The following FAM13C variants were observed in gnomAD, a reference collection of about 807,000 sequenced individuals.
The protein encoded by FAM13C is protein FAM13C.
FAM13C carries 37 observed loss-of-function variants against 73.2 expected under a neutral mutation model. The ratio of observed to expected loss-of-function variants is 0.51; its 90% CI spans 0.39 to 0.67. The LOEUF (loss-of-function observed/expected upper bound fraction) is 0.67, where lower values mean the gene tolerates loss of function less well. Ranked by LOEUF, FAM13C falls within the 30% of genes least tolerant of loss-of-function variation. The probability of loss-of-function intolerance (pLI) is 0.00; values close to 1 mark genes in which losing one functional copy is unlikely to be tolerated. For missense variants in FAM13C, 589 were observed against 715.6 expected, an observed-to-expected ratio of 0.82 and a Z score of 2.02; for synonymous variants, 246 against 260.9, an observed-to-expected ratio of 0.94 and a Z score of 0.55.
chr10:59,303,461 C>G (rs896517559), intron 4 of FAM13C, among the ~76,000 whole-genome samples: 1 of 152,146 alleles, frequency 6.6e-6, no homozygotes, highest in African/African-American at 2.4e-5. Context: ...ATTAAAAATT[C>G]AATAATTGTT....
In FAM13C at chr10:59,282,488, G is replaced by A. The variant is rs1845042807; in HGVS notation, c.592+875C>T. 3 of 152,052 alleles carry A rather than the reference G, an allele frequency of 2.0e-5. No individual in the cohort carries two copies. In the South Asian group the frequency reaches 6.2e-4, roughly 32 times the overall value. The allele number at this position is 152,052 out of a possible 1,614,324, so 9.4% of individuals were successfully genotyped here. On this transcript the variant is annotated intron_variant, in intron 6 of 13. Coordinates refer to ENST00000618804, the MANE Select transcript of FAM13C (RefSeq NM_198215.4). ...TATTTATGGGGTCTGCTTTCAACAG[G>A]AGTATCTAAAATGTACAATTGCTAA...
intron 3 of FAM13C, among the ~76,000 whole-genome samples, chr10:59,331,939 G>A (rs572656846): frequency 1.4e-4 from 22 of 152,172 alleles, no homozygotes; most frequent in African/African-American, 4.8e-4. Context: ...TGGGTATGAA[G>A]GACCCATGCA....
chr10:59,334,372 T>A (rs1438448521), intron 3 of FAM13C, among the ~76,000 whole-genome samples: 2 of 152,204 alleles, frequency 1.3e-5, no homozygotes, highest in Non-Finnish European at 2.9e-5. Context: ...CTCACTTGCA[T>A]GTTAATGGTA....
chr10:59,255,155 T>TAC (rs1841831408), intron 10 of FAM13C, among the ~76,000 whole-genome samples: 1 of 152,230 alleles, frequency 6.6e-6, no homozygotes, highest in African/African-American at 2.4e-5. Flanking sequence ...TCTTCATCAC[T>TAC]ACATGCTTGT....
chr10:59,312,806 G>A (rs1196400583), intron 4 of FAM13C, among the ~76,000 whole-genome samples: 1 of 152,172 alleles, frequency 6.6e-6, no homozygotes, highest in Non-Finnish European at 1.5e-5. Context: ...AGTTGGAGGA[G>A]CCCTGGTCTT....
intron 6 of FAM13C, 30 bp from the exon 7 acceptor site, chr10:59,270,139 T>G: frequency 1.9e-6 from 3 of 1,601,386 alleles, no homozygotes; most frequent in Non-Finnish European, 1.7e-6. Flanking sequence ...CATCAAGACT[T>G]AGAAGTGACA....
chr10:59,254,368 G>A lies in FAM13C; in HGVS notation c.1312C>T (p.Pro438Ser). The change falls in exon 11 of 14, where the codon CCT becomes TCT. Residue 438 changes from proline to serine, a missense_variant. Pro to Ser is a moderately conservative substitution (Grantham distance 74). Transcript: ENST00000618804. Reference protein sequence around the residue: ...YRIIKQILSTPSLIPTIQEEE... With the variant: ...YRIIKQILSTSSLIPTIQEEE... Reference sequence around the variant, plus strand: ...CTTACAATTGTTGGAATAAGGGAAGGTGTTGACAAGATTTGCTTGATAATT... The same window carrying A: ...CTTACAATTGTTGGAATAAGGGAAGATGTTGACAAGATTTGCTTGATAATT... 6.4e-7 allele frequency: 1 copy of A among 1,553,672 alleles called. No individual in the cohort carries two copies. Among genetic ancestry groups the A allele is most frequent in the Non-Finnish European group, 8.7e-7 (1 of 1,147,536 alleles).
intron 3 of FAM13C, among the ~76,000 whole-genome samples, chr10:59,335,347 G>A (rs1029306016): frequency 6.6e-6 from 1 of 152,106 alleles, no homozygotes; most frequent in South Asian, 2.1e-4. Flanking sequence ...AAGGACCTAC[G>A]AGACCCAAAT....
intron 4 of FAM13C, among the ~76,000 whole-genome samples, chr10:59,307,413 C>A (rs184218410): frequency 6.3e-4 from 96 of 152,292 alleles, no homozygotes; most frequent in Non-Finnish European, 1.1e-3. Context: ...CTTCAATTCA[C>A]CAGCCCTTAC....
intron 5 of FAM13C, among the ~76,000 whole-genome samples, chr10:59,290,779 C>T (rs1044023658): frequency 2.0e-5 from 3 of 152,158 alleles, no homozygotes; most frequent in Admixed American, 6.5e-5. Flanking sequence ...TGCATCCTAG[C>T]GCAATGTGTA....
intron 4 of FAM13C, among the ~76,000 whole-genome samples, chr10:59,307,673 A>G (rs1036853434): frequency 5.3e-5 from 8 of 152,182 alleles, no homozygotes; most frequent in Non-Finnish European, 8.8e-5. Context: ...TCACGGAAGG[A>G]TAACAAAAAG....
chr10:59,308,781 C>T (rs1285102739), intron 4 of FAM13C, among the ~76,000 whole-genome samples: 1 of 152,206 alleles, frequency 6.6e-6, no homozygotes. Flanking sequence ...TGTGGATAGC[C>T]CACTGAAATA....
At chr10:59,264,222 G>T in intron 8 of FAM13C, 56 bp from the exon 9 acceptor site, 1 of 1,111,838 alleles carries the variant, frequency 9.0e-7, no homozygotes, top group South Asian at 1.3e-5. Context: ...GAGAGGGTGG[G>T]GGAGAAAAAG....
At chr10:59,321,323 AG>A (rs1850221085) in intron 4 of FAM13C, among the ~76,000 whole-genome samples, 1 of 151,934 alleles carries the variant, frequency 6.6e-6, no homozygotes, top group South Asian at 2.1e-4. Context: ...AAATGGAGGA[AG>A]GGACCATAAG....
Position 59,362,484 on chromosome 10 carries a change from G to A in FAM13C, c.-24C>T. 1 of 1,610,368 alleles carries A rather than the reference G, an allele frequency of 6.2e-7. No individual in the cohort carries two copies. Among genetic ancestry groups the A allele is most frequent in the Non-Finnish European group, 8.5e-7 (1 of 1,178,154 alleles). ...ATCAGCCAAGTCTGGCCGGGGAGCC[G>A]TCTCCCTGATTGCTCTCCGGGAGTT... On this transcript the variant is annotated 5_prime_UTR_variant, in exon 1 of 14. In the 5' UTR this introduces an upstream ATG that the reference lacks. Transcript: ENST00000618804.
chr10:59,312,948 G>C (rs1377991070), intron 4 of FAM13C, among the ~76,000 whole-genome samples: 1 of 152,098 alleles, frequency 6.6e-6, no homozygotes, highest in African/African-American at 2.4e-5. Context: ...ACACTATACT[G>C]ATTTCATCTG....
intron 3 of FAM13C, among the ~76,000 whole-genome samples, chr10:59,329,652 C>T (rs1851702669): frequency 6.6e-6 from 1 of 152,116 alleles, no homozygotes; most frequent in African/African-American, 2.4e-5. Flanking sequence ...GCAACTGCGC[C>T]TGGACTGATT....
At chr10:59,347,551 A>G (rs1412401017) in intron 3 of FAM13C, among the ~76,000 whole-genome samples, 3 of 151,892 alleles carry the variant, frequency 2.0e-5, no homozygotes, top group African/African-American at 7.3e-5. Context: ...ATTATACTTT[A>G]AGTTCTGGGG....
rs764755978 is a variant in FAM13C, at chr10:59,283,560, C to T, written c.508-113G>A. The T allele has an allele frequency of 5.6e-5, 58 of 1,027,862 alleles. No homozygotes were observed. The African/African-American group carries it at 7.8e-4, about 14-fold the overall frequency. The allele number at this position is 1,027,862 out of a possible 1,614,324, so 63.7% of individuals were successfully genotyped here. On this transcript the variant is annotated intron_variant, in intron 5 of 13. Transcript: ENST00000618804. ...GCCAGCTAAGTAGATGCCTAACACA[C>T]AACAGTGTGTCCGCAGCTCCCGCAA...
Sources: allele counts gnomAD v4.1 joint callset (sites outside exome capture counted in the v4.1 genomes callset), GRCh38; gene constraint gnomAD v4.1.1; transcripts MANE v1.5; gene names NCBI Gene and HGNC (gene_info 2026-07-23, HGNC 2026-07-21).